Variants in FAT2 observed in about 807,000 individuals in gnomAD.
FAT2 encodes protocadherin Fat 2.
In FAT2, 150 loss-of-function variants were observed where a neutral mutation model predicts 295.3. That is an observed-to-expected ratio of 0.51 (90% CI 0.44 to 0.58). The LOEUF is 0.58. FAT2 is among the 20% of genes least tolerant of loss of function. The pLI is 0.00. For synonymous variants in FAT2, 2,026 were observed against 2,150.3 expected, an observed-to-expected ratio of 0.94 and a Z score of 1.60; for missense variants, 4,868 against 5,442.7, an observed-to-expected ratio of 0.89 and a Z score of 3.32.
intron 23 of FAT2, 71 bp downstream of exon 23, chr5:151,507,083 A>T (rs1760944598): frequency 7.3e-7 from 1 of 1,367,606 alleles, no homozygotes; most frequent in Non-Finnish European, 1.0e-6. Context: ...TGTGCCTCAG[A>T]TAACGGAGTG....
chr5:151,530,879 T>C (rs1238465902), intron 14 of FAT2, among the ~76,000 whole-genome samples: 1 of 152,184 alleles, frequency 6.6e-6, no homozygotes, highest in East Asian at 1.9e-4. Flanking sequence ...ATTGTACTAT[T>C]CTATTTTTTA....
At chr5:151,571,381 C>G (rs1758516932) in intron 1 of FAT2, among the ~76,000 whole-genome samples, 1 of 151,944 alleles carries the variant, frequency 6.6e-6, no homozygotes, top group Admixed American at 6.6e-5. Context: ...AGGGTGCACG[C>G]AGCCTCCCAG....
chr5:151,529,644 T>A (rs1354429365), intron 14 of FAT2, among the ~76,000 whole-genome samples: 1 of 152,212 alleles, frequency 6.6e-6, no homozygotes, highest in African/African-American at 2.4e-5. Context: ...TTGATTTAAA[T>A]CTCATTTAAA....
At position 151,568,400 on chromosome 5, in the gene FAT2, C is replaced by A; in HGVS notation, c.532G>T (p.Gly178Cys). Residue 178 changes from glycine to cysteine, a missense_variant, in exon 2 of 24, where the codon GGC becomes TGC. By Grantham distance (159) the Gly-to-Cys change is radical. Coordinates refer to ENST00000261800, the MANE Select transcript of FAT2 (RefSeq NM_001447.3). ...CKVTATDADL[G>C]QNAEFYYAFN... ...GCATAATAGAACTCAGCATTCTGGC[C>A]TAGATCAGCATCTGTGGCAGTCACC... 1 of 1,614,210 alleles carries A rather than the reference C, an allele frequency of 6.2e-7. No homozygotes were observed.
chr5:151,540,208 T>C lies in FAT2; in HGVS notation c.9039+359A>G, dbSNP rs533335721. 2.1e-3 allele frequency among the ~76,000 whole-genome samples: 313 copies of C among 152,300 alleles called. 1 individual carries two copies. The highest frequency in any genetic ancestry group is 7.3e-3 in the African/African-American group (305 of 41,568). ...TGTGGGCCATGAGTCTTGAACAGCT[T>C]GGTATATCCCTATGGGGGCCAAGGA... On this transcript the variant is annotated intron_variant, in intron 11 of 23. Coordinates refer to ENST00000261800, the MANE Select transcript of FAT2 (RefSeq NM_001447.3).
chr5:151,576,498 T>C (rs9918283), intron 1 of FAT2, among the ~76,000 whole-genome samples: 70,428 of 152,088 alleles, frequency 0.46, 16,380 homozygotes, highest in Middle Eastern at 0.51. Context: ...AAAGTTACTA[T>C]GGTCAATAAA....
At chr5:151,551,197 TC>T (rs1293799597) in intron 7 of FAT2, among the ~76,000 whole-genome samples, 1 of 152,064 alleles carries the variant, frequency 6.6e-6, no homozygotes, top group Non-Finnish European at 1.5e-5. Flanking sequence ...CCAACCATCA[TC>T]CCCCTATACC....
rs201804836 is a variant in FAT2, at chr5:151,507,548, C to T, written c.12123G>A (p.Arg4041=). Residue 4041 remains arginine, a synonymous_variant, in exon 23 of 24, where the codon AGG becomes AGA. Transcript: ENST00000261800. ...GTAACTCCTGCTGCCCCCAGTCCCC[C>T]CTTTGGATCTCGGGAGTGACTAGGC... The part of the protein sequence containing the change: ...GHCLVTPEIQ[R]GDWGQQELLI... The T allele has an allele frequency of 1.2e-6, 2 of 1,614,100 alleles. No homozygotes were observed. Among genetic ancestry groups the T allele is most frequent in the Admixed American group, 1.7e-5 (1 of 60,016 alleles).
rs781529199 is a variant in FAT2 at position 151,521,526 on chromosome 5, A to C, written c.11067T>G (p.His3689Gln). ...GVDVLLVFEGHSGTFYEFQEL... is the reference protein window; with the variant it reads ...GVDVLLVFEGQSGTFYEFQEL... ...CCTGAAACTCGTAGAAGGTTCCAGA[A>C]TGCCCCTCAAAGACCAGGAGCACAT... The change falls in exon 19 of 24, where the codon CAT (histidine) becomes CAG (glutamine). Residue 3689 changes from histidine to glutamine, a missense_variant. His to Gln is a conservative substitution (Grantham distance 24, BLOSUM62 0). Around this residue, in one of 5 missense-constraint regions of FAT2, gnomAD observed 1,046 missense variants for 1,210.1 expected, o/e 0.86. Transcript: ENST00000261800. 2 of 1,614,216 alleles carry C rather than the reference A, an allele frequency of 1.2e-6. No individual in the cohort carries two copies. The highest frequency in any genetic ancestry group is 2.2e-5 in the South Asian group (2 of 91,072).
chr5:151,556,999 C>T lies in FAT2; in HGVS notation c.3575-597G>A, dbSNP rs146472505. Among the ~76,000 whole-genome samples, 150 of 152,200 alleles carry T rather than the reference C, an allele frequency of 9.9e-4. 1 individual carries two copies. Among genetic ancestry groups the T allele is most frequent in the African/African-American group, 3.5e-3 (146 of 41,512 alleles). On this transcript the variant is annotated intron_variant, in intron 3 of 23. Transcript: ENST00000261800. ...AGAGATAATGTGTCAGGTGAAGTTC[C>T]CAGCTACTTCCTGCTTTCTCTATTA...
rs766301763 is a variant in FAT2, at chr5:151,504,348, G to C, written c.*1217C>G. The C allele has an allele frequency of 6.5e-6, 1 of 152,680 alleles. No individual in the cohort carries two copies. The highest frequency in any genetic ancestry group is 1.5e-5 in the Non-Finnish European group (1 of 68,066). 9.5% of individuals were successfully genotyped at this position (152,680 alleles called of 1,614,324 possible). ...GGGAGGGACTGGGTGGGAGGGAGTG[G>C]TGAGGTCACCAAAGGCCACAGAGGC... On this transcript the variant is annotated 3_prime_UTR_variant, in exon 24 of 24. Transcript: ENST00000261800.
chr5:151,559,064 C>T (rs1340182837), intron 3 of FAT2, among the ~76,000 whole-genome samples: 1 of 152,198 alleles, frequency 6.6e-6, no homozygotes, highest in Admixed American at 6.5e-5. Flanking sequence ...GAAAAAGAAG[C>T]TCAGTGAAGA....
At chr5:151,553,583 A>G (rs1757421065) in intron 5 of FAT2, among the ~76,000 whole-genome samples, 196 bp from the exon 6 acceptor site, 1 of 152,246 alleles carries the variant, frequency 6.6e-6, no homozygotes, top group Admixed American at 6.5e-5. Flanking sequence ...GGTGGTGAAC[A>G]AAACGTATAA....
chr5:151,513,803 TTTA>T (rs1449510419), intron 20 of FAT2, among the ~76,000 whole-genome samples: 1 of 152,190 alleles, frequency 6.6e-6, no homozygotes, highest in Non-Finnish European at 1.5e-5. Flanking sequence ...GACATGTGAG[TTTA>T]TTATTTCTAA....
chr5:151,544,648 A>G lies in FAT2; in HGVS notation c.6479T>C (p.Leu2160Pro). ...GTTGGATTTATTTCTCACAGTGACA[A>G]GTACCTCTTCCTCACTCTGGAGGGA... The part of the protein sequence containing the change: ...TPSLQSEEEV[L>P]VTVRNKSNPL... Residue 2160 changes from leucine to proline, a missense_variant, in exon 10 of 24, where the codon CTT becomes CCT. Leu to Pro is a moderately conservative substitution (Grantham distance 98). Coordinates refer to ENST00000261800, the MANE Select transcript of FAT2 (RefSeq NM_001447.3). 5 of 1,614,186 alleles carry G rather than the reference A, an allele frequency of 3.1e-6. No homozygotes were observed. The highest frequency in any genetic ancestry group is 4.2e-6 in the Non-Finnish European group (5 of 1,180,026).
intron 4 of FAT2, among the ~76,000 whole-genome samples, chr5:151,555,024 G>A (rs892525292): frequency 2.6e-5 from 4 of 152,182 alleles, no homozygotes; most frequent in Non-Finnish European, 5.9e-5. Context: ...TAAGTTGCTC[G>A]ATTAGAGAAA....
At position 151,525,945 on chromosome 5, in the gene FAT2, G is replaced by T. The variant is rs2127584690; in HGVS notation, c.10329C>A (p.Ser3443Arg). Residue 3443 changes from serine (S) to arginine (R), a missense_variant, in exon 18 of 24, where the codon AGC (serine) becomes AGA (arginine). Transcript: ENST00000261800. ...TTVQENSPIG[S>R]KVLQLILSDP... ...CACTCAGGATCAGCTGCAGGACTTT[G>T]CTGCCAATGGGGGAGTTCTCCTGAG... 1 of 1,614,154 alleles carries T rather than the reference G, an allele frequency of 6.2e-7. No homozygotes were observed. The highest frequency in any genetic ancestry group is 2.2e-5 in the East Asian group (1 of 44,880).
At position 151,531,445 on chromosome 5, in the gene FAT2, A is replaced by G; in HGVS notation, c.9811+142T>C. The stretch of plus-strand genomic sequence containing the variant: ...AGGAGGGACCTGGTACTCGGAGAGA[A>G]GCAGAAGAGAATGGAGAAACGACCA... On this transcript the variant is annotated intron_variant, in intron 14 of 23. Transcript: ENST00000261800. This position sits in a 1 kb window ranked among gnomAD's most constrained non-coding sequence, Gnocchi z 5.7. 1 of 1,174,692 alleles carries G rather than the reference A, an allele frequency of 8.5e-7. No individual in the cohort carries two copies. The highest frequency in any genetic ancestry group is 1.6e-5 in the South Asian group (1 of 62,858). The allele number at this position is 1,174,692 out of a possible 1,614,324, so 72.8% of individuals were successfully genotyped here.
At position 151,546,202 on chromosome 5, in the gene FAT2, T is replaced by A. The variant is rs2127614374; in HGVS notation, c.4925A>T (p.Asp1642Val). ...GACATGAATGATCACTGTAGCCAGG[T>A]CATGCCATTGTGGGGAGCCTTGATC... ...AEDQGSPQWH[D>V]LATVIIHVYP... The change falls in exon 10 of 24, where the codon GAC (aspartate) becomes GTC (valine). Residue 1642 changes from aspartate (D) to valine (V), a missense_variant. By Grantham distance (152) the Asp-to-Val change is radical. Coordinates refer to ENST00000261800, the MANE Select transcript of FAT2 (RefSeq NM_001447.3). The A allele has an allele frequency of 6.2e-7, 1 of 1,614,176 alleles. No individual in the cohort carries two copies. The highest frequency in any genetic ancestry group is 8.5e-7 in the Non-Finnish European group (1 of 1,180,034).
Sources: allele counts gnomAD v4.1 joint callset (sites outside exome capture counted in the v4.1 genomes callset), GRCh38; gene constraint gnomAD v4.1.1; regional missense constraint gnomAD v4.1.1; non-coding constraint Gnocchi (gnomAD v3.1); transcripts MANE v1.5; gene names NCBI Gene and HGNC (gene_info 2026-07-23, HGNC 2026-07-21).